Variants in INVS observed in about 807,000 individuals in gnomAD.
INVS encodes the protein inversion of embryo turning homolog.
A neutral mutation model predicts 108.8 loss-of-function variants in INVS; 86 were observed. The ratio of observed to expected loss-of-function variants is 0.79; its 90% CI spans 0.66 to 0.95. INVS has a LOEUF of 0.95. INVS is among the 40% of genes least tolerant of loss of function. The pLI is 0.00. For missense variants in INVS, 1,169 were observed against 1,297.4 expected (o/e 0.90, Z 1.52); for synonymous variants, 455 against 473.5 (o/e 0.96, Z 0.51).
chr9:100,226,002 T>TA (rs935519829), intron 3 of INVS, 60 bp from the exon 4 acceptor site: 12 of 1,250,430 alleles, frequency 9.6e-6, no homozygotes, highest in Non-Finnish European at 7.9e-6. Flanking sequence ...ATTTTAAAAT[T>TA]AAAAAAAATT....
chr9:100,291,520 C>CA (rs1277037699), intron 13 of INVS, among the ~76,000 whole-genome samples: 1 of 152,118 alleles, frequency 6.6e-6, no homozygotes, highest in Non-Finnish European at 1.5e-5. Context: ...TTTCCTCATG[C>CA]ATTTTGTGAT....
chr9:100,262,842 G>A (rs751078366), intron 10 of INVS, among the ~76,000 whole-genome samples: 31 of 151,958 alleles, frequency 2.0e-4, no homozygotes, highest in Non-Finnish European at 3.8e-4. Flanking sequence ...ACCTTCCCAG[G>A]CTCGGGTGAT....
chr9:100,182,922 A>G (rs1179721009), intron 3 of INVS, among the ~76,000 whole-genome samples: 1 of 152,224 alleles, frequency 6.6e-6, no homozygotes, highest in African/African-American at 2.4e-5. Flanking sequence ...TGGCACATAT[A>G]CACCATGGAA....
chr9:100,250,163 G>GACTCCCT (rs1832181721), intron 8 of INVS, among the ~76,000 whole-genome samples: 1 of 152,040 alleles, frequency 6.6e-6, no homozygotes, highest in African/African-American at 2.4e-5. Flanking sequence ...TTTGAAAAGT[G>GACTCCCT]CTGTAAGTTT....
intron 3 of INVS, among the ~76,000 whole-genome samples, chr9:100,181,730 A>G (rs955761526): frequency 2.6e-5 from 4 of 152,314 alleles, no homozygotes; most frequent in Admixed American, 2.6e-4. Flanking sequence ...CCATCAAGCT[A>G]CCATTGACTT....
chr9:100,175,617 A>G, intron 3 of INVS: 3 of 679,716 alleles, frequency 4.4e-6, no homozygotes, highest in Non-Finnish European at 8.3e-6. Context: ...CAGCTGCCCA[A>G]AGAATAGCAA....
chr9:100,123,950 C>T (rs373047030), intron 2 of INVS, among the ~76,000 whole-genome samples: 1 of 152,070 alleles, frequency 6.6e-6, no homozygotes, highest in Non-Finnish European at 1.5e-5. Context: ...GTATTACAGG[C>T]ATGTGCCACC....
At chr9:100,101,320 A>G (rs1826983895) in intron 1 of INVS, 1 of 151,940 alleles carries the variant, frequency 6.6e-6, no homozygotes, top group Non-Finnish European at 1.5e-5. Context: ...AAGCTGACAT[A>G]GCCTGAGGAC....
chr9:100,175,242 C>G, intron 3 of INVS: 1 of 615,796 alleles, frequency 1.6e-6, no homozygotes, highest in Non-Finnish European at 3.0e-6. Context: ...TGTAAAGACT[C>G]TTTGCCAATG....
chr9:100,256,711 T>C (rs1051354881), intron 10 of INVS, among the ~76,000 whole-genome samples: 2 of 152,210 alleles, frequency 1.3e-5, no homozygotes, highest in African/African-American at 2.4e-5. Context: ...TCAGTTTCCA[T>C]GTAGTTGAGT....
At chr9:100,281,589 C>T (rs1833278457) in intron 12 of INVS, among the ~76,000 whole-genome samples, 3 of 152,056 alleles carry the variant, frequency 2.0e-5, no homozygotes, top group South Asian at 4.2e-4. Flanking sequence ...GGGCCATGTG[C>T]CACCTAGAAG....
At chr9:100,243,487 G>T (rs74469305) in intron 7 of INVS, among the ~76,000 whole-genome samples, 1 of 152,068 alleles carries the variant, frequency 6.6e-6, no homozygotes, top group African/African-American at 2.4e-5. Flanking sequence ...ATGCAAAAAC[G>T]AATTATTTCC....
chr9:100,167,973 C>T (rs887394627), intron 3 of INVS, among the ~76,000 whole-genome samples: 1 of 152,084 alleles, frequency 6.6e-6, no homozygotes, highest in Non-Finnish European at 1.5e-5. Context: ...TTCCTCCCCA[C>T]CCCAGCGACT....
intron 2 of INVS, among the ~76,000 whole-genome samples, chr9:100,115,254 C>T (rs1042833545): frequency 6.6e-6 from 1 of 151,430 alleles, no homozygotes; most frequent in Non-Finnish European, 1.5e-5. Flanking sequence ...TCTATTAAAA[C>T]CTTTTGGCCA....
chr9:100,133,036 C>T (rs182779802), intron 3 of INVS, among the ~76,000 whole-genome samples: 4 of 152,140 alleles, frequency 2.6e-5, no homozygotes, highest in South Asian at 2.1e-4. Context: ...ACCTGGGAGG[C>T]GGAAGTTGCA....
chr9:100,292,172 C>G (rs1008767856), intron 13 of INVS, among the ~76,000 whole-genome samples, 154 bp from the exon 14 acceptor site: 1 of 152,276 alleles, frequency 6.6e-6, no homozygotes, highest in East Asian at 1.9e-4. Context: ...TACCATATTG[C>G]TGGAAATAGA....
intron 3 of INVS, among the ~76,000 whole-genome samples, chr9:100,179,253 G>A (rs750547002): frequency 5.3e-5 from 8 of 152,142 alleles, no homozygotes; most frequent in Non-Finnish European, 1.2e-4. Flanking sequence ...TAACCAGGTA[G>A]CATCACAATG....
In INVS at chr9:100,300,691, A is replaced by G; in HGVS notation, c.*17A>G. ...AAACCTTGACTGCCTATGGAGGAAGACTGTGTTCGGGGGAGCTGGCATAGC... is the reference window on the plus strand; with the variant it reads ...AAACCTTGACTGCCTATGGAGGAAGGCTGTGTTCGGGGGAGCTGGCATAGC... On this transcript the variant is annotated 3_prime_UTR_variant, in exon 17 of 17. Coordinates refer to ENST00000262457, the MANE Select transcript of INVS (RefSeq NM_014425.5). 1 of 1,560,176 alleles carries G rather than the reference A, an allele frequency of 6.4e-7. No individual in the cohort carries two copies. Among genetic ancestry groups the G allele is most frequent in the Non-Finnish European group, 8.8e-7 (1 of 1,132,176 alleles).
intron 1 of INVS, among the ~76,000 whole-genome samples, chr9:100,100,739 ATT>A (rs2118790963): frequency 3.8e-5 from 2 of 53,106 alleles, no homozygotes; most frequent in African/African-American, 8.5e-5. Context: ...TAATATATAT[ATT>A]ATATGTACAT....
Sources: allele counts gnomAD v4.1 joint callset (sites outside exome capture counted in the v4.1 genomes callset), GRCh38; gene constraint gnomAD v4.1.1; transcripts MANE v1.5; gene names NCBI Gene and HGNC (gene_info 2026-07-23, HGNC 2026-07-21).